Variants in RELL1 observed in about 807,000 individuals in gnomAD.
The protein encoded by RELL1 is RELT like 1.
A neutral mutation model predicts 23.0 loss-of-function variants in RELL1; 10 were observed. The observed-to-expected ratio is 0.43, with a 90% confidence interval of 0.27 to 0.74. RELL1 has a LOEUF of 0.74. Ranked by LOEUF, RELL1 falls within the 30% of genes least tolerant of loss-of-function variation. RELL1 has a pLI of 0.19. For synonymous variants in RELL1, 146 were observed against 146.8 expected (o/e 0.99, Z 0.04); for missense variants, 315 against 364.4 (o/e 0.86, Z 1.10).
intron 3 of RELL1, among the ~76,000 whole-genome samples, chr4:37,640,858 G>A (rs908094255): frequency 6.6e-6 from 1 of 151,904 alleles, no homozygotes; most frequent in African/African-American, 2.4e-5. Context: ...AACTTACTCT[G>A]CCAACATTTA....
chr4:37,602,811 G>T (rs184569020), intron 6 of RELL1, among the ~76,000 whole-genome samples: 204 of 152,264 alleles, frequency 1.3e-3, no homozygotes, highest in African/African-American at 4.6e-3. Flanking sequence ...CAAAGGTCGT[G>T]CCTACTTCTC....
At chr4:37,605,057 A>C (rs1191619940) in intron 6 of RELL1, among the ~76,000 whole-genome samples, 1 of 152,238 alleles carries the variant, frequency 6.6e-6, no homozygotes. Context: ...TAAACATGTA[A>C]AAATATCATA....
intron 1 of RELL1, among the ~76,000 whole-genome samples, chr4:37,685,764 A>T (rs1304654301): frequency 6.6e-6 from 1 of 152,246 alleles, no homozygotes; most frequent in African/African-American, 2.4e-5. Flanking sequence ...TAAGGTATTT[A>T]AAAGGGAGAA....
At chr4:37,680,189 G>A (rs555039710) in intron 1 of RELL1, among the ~76,000 whole-genome samples, 68 of 152,268 alleles carry the variant, frequency 4.5e-4, no homozygotes, top group African/African-American at 1.3e-3. Context: ...ACAAATTAGC[G>A]AATATGTTTT....
intron 3 of RELL1, among the ~76,000 whole-genome samples, chr4:37,645,459 C>A (rs990116188): frequency 6.6e-6 from 1 of 152,156 alleles, no homozygotes; most frequent in Non-Finnish European, 1.5e-5. Context: ...AACTACTGTG[C>A]CCTGAAGGAA....
rs139726374 is a variant in RELL1 at position 37,686,032 on chromosome 4, C to A, written c.88+168G>T. On this transcript the variant is annotated intron_variant, in intron 1 of 6. Coordinates refer to ENST00000454158, the MANE Select transcript of RELL1 (RefSeq NM_001085400.2). Reference sequence around the variant, plus strand: ...AGGGACGGGAGCCGTTGCCACGCACCGCGCCCTGCCCGGACCGCCGCGGGA... The same window carrying A: ...AGGGACGGGAGCCGTTGCCACGCACAGCGCCCTGCCCGGACCGCCGCGGGA... Among the ~76,000 whole-genome samples, 2,682 of 152,304 alleles carry A rather than the reference C, an allele frequency of 0.018. 156 individuals are homozygous for A. The South Asian group carries it at 0.18, about 10-fold the overall frequency.
At chr4:37,667,384 A>AG (rs1033260498) in intron 1 of RELL1, among the ~76,000 whole-genome samples, 6 of 150,956 alleles carry the variant, frequency 4.0e-5, no homozygotes, top group African/African-American at 1.5e-4. Context: ...CAGAACAGAG[A>AG]GGTTAAGTAA....
rs201434572 is a variant in RELL1 at position 37,653,641 on chromosome 4, TA to T, written c.89-4142del. Among the ~76,000 whole-genome samples the T allele has an allele frequency of 6.9e-3, 1,052 of 152,300 alleles. 13 individuals carry two copies. The highest frequency in any genetic ancestry group is 0.024 in the African/African-American group (978 of 41,554). On this transcript the variant is annotated intron_variant, in intron 1 of 6. Coordinates refer to ENST00000454158, the MANE Select transcript of RELL1 (RefSeq NM_001085400.2). ...CTTCAAAATTATTTGATACTGCTTC[TA>T]CTGAGAGGTGAGGTCTGTATCTCGT...
intron 1 of RELL1, among the ~76,000 whole-genome samples, chr4:37,660,705 G>A (rs571251331): frequency 6.6e-6 from 1 of 152,300 alleles, no homozygotes; most frequent in African/African-American, 2.4e-5. Flanking sequence ...AGATTGGTCA[G>A]GGTACTGCAC....
chr4:37,606,532 C>G (rs769304692), downstream of RELL1, among the ~76,000 whole-genome samples: 16 of 152,338 alleles, frequency 1.1e-4, no homozygotes, highest in Non-Finnish European at 1.9e-4. This position sits in a 1 kb window ranked among gnomAD's most constrained non-coding sequence, Gnocchi z 4.1. Flanking sequence ...ACCCTAAACC[C>G]AATGCCTGGT....
At chr4:37,639,484 C>T (rs1182653091) in intron 3 of RELL1, among the ~76,000 whole-genome samples, 1 of 149,696 alleles carries the variant, frequency 6.7e-6, no homozygotes, top group African/African-American at 2.5e-5. Context: ...AAAAAATATC[C>T]AAATTTGTAG....
At position 37,649,259 on chromosome 4, in the gene RELL1, G is replaced by C. The variant is rs771575299; in HGVS notation, c.313+17C>G. 2 of 1,596,476 alleles carry C rather than the reference G, an allele frequency of 1.3e-6. No homozygotes were observed. Among genetic ancestry groups the C allele is most frequent in the Non-Finnish European group, 1.7e-6 (2 of 1,165,930 alleles). On this transcript the variant is annotated intron_variant, in intron 2 of 6. Coordinates refer to ENST00000454158, the MANE Select transcript of RELL1 (RefSeq NM_001085400.2). ...ACTGTCTCCTCACCCCCAATAAAAA[G>C]AGCCCTGGTTATTTACCTATCTTTT...
intron 6 of RELL1, among the ~76,000 whole-genome samples, chr4:37,593,790 G>A (rs751600024): frequency 3.3e-5 from 5 of 152,142 alleles, no homozygotes; most frequent in African/African-American, 4.8e-5. Context: ...TTGGAAGATC[G>A]TGTGTACATT....
chr4:37,650,192 G>A (rs9790339), intron 1 of RELL1, among the ~76,000 whole-genome samples: 4,534 of 152,292 alleles, frequency 0.03, 229 homozygotes, highest in East Asian at 0.16. Flanking sequence ...CAAAACAGGC[G>A]GAGATTTGTT....
At chr4:37,662,302 T>C (rs1482001207) in intron 1 of RELL1, among the ~76,000 whole-genome samples, 1 of 152,206 alleles carries the variant, frequency 6.6e-6, no homozygotes, top group Non-Finnish European at 1.5e-5. Flanking sequence ...TACAATCTAC[T>C]TACTCAAAAG....
chr4:37,589,605 G>A (rs754258657), downstream of RELL1, among the ~76,000 whole-genome samples: 1 of 151,758 alleles, frequency 6.6e-6, no homozygotes, highest in Non-Finnish European at 1.5e-5. Context: ...CCTCCTTTTG[G>A]CTCTCTTCTT....
chr4:37,658,749 T>G (rs934679851), intron 1 of RELL1, among the ~76,000 whole-genome samples: 1 of 152,248 alleles, frequency 6.6e-6, no homozygotes, highest in African/African-American at 2.4e-5. Flanking sequence ...ATTTCATCAT[T>G]TAGCCACTTT....
chr4:37,626,408 G>C (rs2109251343), intron 6 of RELL1, among the ~76,000 whole-genome samples: 1 of 152,292 alleles, frequency 6.6e-6, no homozygotes, highest in South Asian at 2.1e-4. Flanking sequence ...AACCCGGGAG[G>C]CAGAGGCTGC....
intron 1 of RELL1, among the ~76,000 whole-genome samples, chr4:37,685,787 A>T (rs987383978): frequency 6.6e-6 from 1 of 152,250 alleles, no homozygotes; most frequent in African/African-American, 2.4e-5. Context: ...AGGCGCCGAC[A>T]GCGCACCCGG....
Sources: allele counts gnomAD v4.1 joint callset (sites outside exome capture counted in the v4.1 genomes callset), GRCh38; gene constraint gnomAD v4.1.1; non-coding constraint Gnocchi (gnomAD v3.1); transcripts MANE v1.5; gene names NCBI Gene and HGNC (gene_info 2026-07-23, HGNC 2026-07-21).